The following NRG2 variants were observed in gnomAD, a reference collection of about 807,000 sequenced individuals.
The protein encoded by NRG2 is pro-neuregulin-2, membrane-bound isoform.
NRG2 carries 27 observed loss-of-function variants against 73.9 expected under a neutral mutation model. The observed-to-expected ratio is 0.37, with a 90% CI of 0.27 to 0.50. NRG2 has a LOEUF of 0.50. Ranked by LOEUF, NRG2 falls within the 20% of genes least tolerant of loss-of-function variation. NRG2 has a pLI of 0.96. For synonymous variants in NRG2, 532 were observed against 541.0 expected (o/e 0.98, Z 0.23); for missense variants, 1,126 against 1,210.1 (o/e 0.93, Z 1.03).
At chr5:139,997,147 C>T (rs1190490896) in intron 1 of NRG2, among the ~76,000 whole-genome samples, 2 of 151,332 alleles carry the variant, frequency 1.3e-5, no homozygotes, top group Non-Finnish European at 2.9e-5. Flanking sequence ...TGTGTCACCA[C>T]AAAATAAATA....
intron 1 of NRG2, among the ~76,000 whole-genome samples, chr5:139,962,006 C>G (rs1395824697): frequency 6.6e-6 from 1 of 150,818 alleles, no homozygotes; most frequent in Non-Finnish European, 1.5e-5. Context: ...CTGACCAGCA[C>G]AGAGAGCTGG....
At chr5:139,881,072 A>G (rs539243842) in intron 2 of NRG2, 98 bp from the exon 3 acceptor site, 42 of 923,190 alleles carry the variant, frequency 4.5e-5, no homozygotes, top group Admixed American at 2.9e-4. Context: ...ACAGAGCCAC[A>G]GTGGCCCTGC....
intron 1 of NRG2, among the ~76,000 whole-genome samples, chr5:139,938,900 GA>G (rs1156621755): frequency 1.6e-5 from 1 of 64,044 alleles, no homozygotes; most frequent in Admixed American, 1.5e-4. Flanking sequence ...AAGAAAGAAA[GA>G]AAGAAAAGAA....
chr5:139,872,154 G>C (rs753698883), intron 3 of NRG2, among the ~76,000 whole-genome samples: 7 of 152,192 alleles, frequency 4.6e-5, no homozygotes, highest in Non-Finnish European at 1.0e-4. Context: ...TGCTGAATAA[G>C]GGCCCACCTC....
chr5:139,899,931 C>T (rs1764770999), intron 1 of NRG2, among the ~76,000 whole-genome samples: 1 of 152,170 alleles, frequency 6.6e-6, no homozygotes, highest in Admixed American at 6.5e-5. Flanking sequence ...TTCTCTGCCC[C>T]AGTTTTCTCA....
chr5:139,904,460 C>G lies in NRG2; in HGVS notation c.701-16949G>C. The stretch of plus-strand genomic sequence containing the variant: ...CTCCGCTGCCGCGCTGCGCCCCCGC[C>G]GCCTGCAGCCTCAGTGCCCGAGCGC... On this transcript the variant is annotated intron_variant, in intron 1 of 9. Transcript: ENST00000361474. This position sits in a 1 kb window ranked among gnomAD's most constrained non-coding sequence, Gnocchi z 6.0. 1 of 1,000,516 alleles carries G rather than the reference C, an allele frequency of 1.0e-6. No individual in the cohort carries two copies. The highest frequency in any genetic ancestry group is 1.5e-6 in the Non-Finnish European group (1 of 676,348). The allele number at this position is 1,000,516 out of a possible 1,614,324, so 62.0% of individuals were successfully genotyped here. A position where few individuals can be genotyped will look rare whatever the true frequency, so the allele number is the denominator to read the frequency against.
rs1765104869 is a variant in NRG2, at chr5:139,904,508, A to G, written c.701-16997T>C. On this transcript the variant is annotated intron_variant, in intron 1 of 9. Transcript: ENST00000361474. The surrounding 1 kb of genome is among the most constrained non-coding windows in gnomAD (Gnocchi z 6.0). ...CGCGGCGCCTTTCTTATAGGCGGTC[A>G]CACCCTCCGGGGGAGGGGAGCAGCG... 5.2e-6 allele frequency: 3 copies of G among 579,172 alleles called. No individual in the cohort carries two copies. The highest frequency in any genetic ancestry group is 6.3e-5 in the Admixed American group (2 of 31,860). The allele number at this position is 579,172 out of a possible 1,614,324, so 35.9% of individuals were successfully genotyped here. A position where few individuals can be genotyped will look rare whatever the true frequency, so the allele number is the denominator to read the frequency against.
At chr5:139,977,952 A>G (rs1250446621) in intron 1 of NRG2, among the ~76,000 whole-genome samples, 3 of 152,218 alleles carry the variant, frequency 2.0e-5, no homozygotes, top group Non-Finnish European at 4.4e-5. Context: ...TTCAGGATGG[A>G]TTAAAGACTT....
At chr5:139,874,878 TACA>T (rs1012220342) in intron 3 of NRG2, among the ~76,000 whole-genome samples, 30 of 152,214 alleles carry the variant, frequency 2.0e-4, no homozygotes, top group African/African-American at 5.5e-4. Flanking sequence ...ATGTTCAAAA[TACA>T]ACAAGTGTCT....
intron 1 of NRG2, among the ~76,000 whole-genome samples, chr5:139,903,353 T>G (rs1476446082): frequency 6.6e-6 from 1 of 152,184 alleles, no homozygotes; most frequent in Non-Finnish European, 1.5e-5. Flanking sequence ...GCTCCCAGGA[T>G]TGTTATGAGG....
chr5:139,916,995 C>G (rs890163752), intron 1 of NRG2, among the ~76,000 whole-genome samples: 1 of 152,146 alleles, frequency 6.6e-6, no homozygotes, highest in Non-Finnish European at 1.5e-5. Context: ...ACTGCCAGAT[C>G]GTTTTCCAAA....
At chr5:139,922,108 T>C (rs887309373) in intron 1 of NRG2, among the ~76,000 whole-genome samples, 1 of 150,584 alleles carries the variant, frequency 6.6e-6, no homozygotes, top group Non-Finnish European at 1.5e-5. Flanking sequence ...ACTTCTCCTC[T>C]ACAAAAGATA....
At chr5:140,000,411 A>G (rs1339339753) in intron 1 of NRG2, among the ~76,000 whole-genome samples, 1 of 152,062 alleles carries the variant, frequency 6.6e-6, no homozygotes, top group Non-Finnish European at 1.5e-5. Context: ...CAGGCTTAGC[A>G]CTCTAGCCAC....
chr5:139,972,729 A>G (rs771289396), intron 1 of NRG2, among the ~76,000 whole-genome samples: 4 of 152,212 alleles, frequency 2.6e-5, no homozygotes, highest in Non-Finnish European at 5.9e-5. Context: ...GTCTCCAAAA[A>G]AGAATGGCAC....
At chr5:139,938,920 A>G (rs1383052115) in intron 1 of NRG2, among the ~76,000 whole-genome samples, 9 of 136,626 alleles carry the variant, frequency 6.6e-5, no homozygotes, top group Middle Eastern at 3.8e-3. Context: ...AAAGAAAGAA[A>G]GAAAGAAAGA....
intron 1 of NRG2, among the ~76,000 whole-genome samples, chr5:140,000,959 T>C (rs1285325135): frequency 1.3e-5 from 2 of 152,178 alleles, no homozygotes; most frequent in Non-Finnish European, 2.9e-5. Context: ...TCCTTCTCGA[T>C]CTCTCTGTGA....
chr5:139,916,955 A>G (rs1043207240), intron 1 of NRG2, among the ~76,000 whole-genome samples: 18 of 152,180 alleles, frequency 1.2e-4, no homozygotes, highest in Admixed American at 1.3e-4. Context: ...GCTCAGTCAT[A>G]TTGTAACTCT....
At chr5:139,888,189 C>A (rs1741757355) in intron 1 of NRG2, among the ~76,000 whole-genome samples, 1 of 152,116 alleles carries the variant, frequency 6.6e-6, no homozygotes, top group Non-Finnish European at 1.5e-5. Flanking sequence ...TAAGCCAGTG[C>A]TCGTGCTGAG....
intron 1 of NRG2, among the ~76,000 whole-genome samples, chr5:139,940,693 C>T (rs1753327788): frequency 6.6e-6 from 1 of 152,120 alleles, no homozygotes; most frequent in Non-Finnish European, 1.5e-5. Flanking sequence ...TAGGTATGTG[C>T]CATGTAGGCA....
Sources: gnomAD v4.1 joint callset for allele counts (sites outside exome capture counted in the v4.1 genomes callset) on GRCh38, gnomAD v4.1.1 for gene constraint, Gnocchi (gnomAD v3.1) non-coding constraint, MANE v1.5 for transcripts, NCBI Gene and HGNC (gene_info 2026-07-23, HGNC 2026-07-21) for gene names.